Variants in MYO3B observed in about 807,000 individuals in gnomAD.
MYO3B encodes the protein myosin-IIIb.
Under a neutral mutation model 174.6 loss-of-function variants are expected in MYO3B, and 156 were observed. The ratio of observed to expected loss-of-function variants is 0.89; its 90% CI spans 0.78 to 1.02. MYO3B has a LOEUF of 1.02. MYO3B is among the 50% of genes least tolerant of loss of function. The pLI is 0.00. For missense variants in MYO3B, 1,632 were observed against 1,639.4 expected (o/e 1.00, Z 0.08); for synonymous variants, 563 against 569.1 (o/e 0.99, Z 0.15).
At chr2:170,431,767 G>A (rs1175107692) in intron 22 of MYO3B, among the ~76,000 whole-genome samples, 3 of 152,176 alleles carry the variant, frequency 2.0e-5, no homozygotes, top group African/African-American at 4.8e-5. Flanking sequence ...CAATAAAACC[G>A]ATGGGAGGAT....
intron 30 of MYO3B, among the ~76,000 whole-genome samples, chr2:170,523,210 A>G (rs1278894831): frequency 1.3e-5 from 2 of 152,200 alleles, no homozygotes; most frequent in African/African-American, 4.8e-5. Context: ...CACAATAGCT[A>G]CTCAATAAGT....
chr2:170,485,771 C>T (rs766122891), intron 25 of MYO3B, among the ~76,000 whole-genome samples: 7 of 152,086 alleles, frequency 4.6e-5, no homozygotes, highest in Admixed American at 3.3e-4. Flanking sequence ...CCAGAGACTC[C>T]GTAAGTCATT....
At chr2:170,366,147 A>G (rs1037189020) in intron 8 of MYO3B, among the ~76,000 whole-genome samples, 2 of 152,158 alleles carry the variant, frequency 1.3e-5, no homozygotes, top group South Asian at 2.1e-4. Flanking sequence ...ATAAAACCCT[A>G]TATCTCATTT....
intron 19 of MYO3B, 36 bp downstream of exon 19, chr2:170,403,031 G>C: frequency 6.5e-7 from 1 of 1,535,540 alleles, no homozygotes; most frequent in Non-Finnish European, 8.9e-7. Flanking sequence ...AACTTGATGG[G>C]GAAAAGGTGT....
intron 6 of MYO3B, among the ~76,000 whole-genome samples, chr2:170,234,157 T>C (rs4028665): frequency 0.61 from 70,049 of 114,724 alleles, 21,148 homozygotes; most frequent in African/African-American, 0.68. Context: ...GGCGACAGAG[T>C]GAGACTCCGT....
intron 1 of MYO3B, among the ~76,000 whole-genome samples, chr2:170,188,700 A>G (rs2092501406): frequency 6.6e-6 from 1 of 152,160 alleles, no homozygotes; most frequent in South Asian, 2.1e-4. Context: ...TTAATAAACT[A>G]ATGATAACTG....
chr2:170,416,707 T>C (rs2094581517), intron 22 of MYO3B, among the ~76,000 whole-genome samples: 1 of 151,466 alleles, frequency 6.6e-6, no homozygotes, highest in South Asian at 2.1e-4. Context: ...TTGAAGTCTT[T>C]CATTTACTCT....
Position 170,236,031 on chromosome 2 carries a change from C to T in MYO3B, c.644C>T (p.Ala215Val), listed in dbSNP as rs1242470851. Residue 215 changes from alanine to valine, a missense_variant, in exon 7 of 35, where the codon GCT (alanine) becomes GTT (valine). Ala to Val is a moderately conservative substitution (Grantham distance 64). Transcript: ENST00000408978. ...CAGCAGTATGACTCTTCCTATGACG[C>T]TCGCTGTGACGTCTGGTCCTTGGGG... is the stretch of plus-strand genomic sequence containing the variant. ...CEQQYDSSYD[A>V]RCDVWSLGIT... is the part of the protein sequence containing the mutation. The T allele has an allele frequency of 7.4e-6, 12 of 1,614,056 alleles. No individual in the cohort carries two copies. The highest frequency in any genetic ancestry group is 1.0e-5 in the Non-Finnish European group (12 of 1,180,020).
intron 22 of MYO3B, among the ~76,000 whole-genome samples, chr2:170,442,595 T>G (rs980438952): frequency 3.3e-5 from 5 of 151,954 alleles, no homozygotes; most frequent in Non-Finnish European, 5.9e-5. Flanking sequence ...GTTGGTGTGC[T>G]GCACCCATTA....
At chr2:170,403,162 G>A (rs1002322518) in intron 19 of MYO3B, among the ~76,000 whole-genome samples, 167 bp downstream of exon 19, 1 of 152,142 alleles carries the variant, frequency 6.6e-6, no homozygotes, top group Non-Finnish European at 1.5e-5. Flanking sequence ...AAAAGGTCTC[G>A]ATTTCTGTGG....
intron 7 of MYO3B, among the ~76,000 whole-genome samples, chr2:170,326,570 C>A (rs1438901944): frequency 6.6e-6 from 1 of 152,152 alleles, no homozygotes; most frequent in Admixed American, 6.5e-5. Flanking sequence ...AGCCACACAC[C>A]CACTTGTCCC....
intron 32 of MYO3B, among the ~76,000 whole-genome samples, chr2:170,626,979 C>T (rs1023530139): frequency 7.9e-5 from 12 of 152,104 alleles, no homozygotes; most frequent in African/African-American, 2.7e-4. Context: ...CTGCCCTTAA[C>T]ATTTTTTCCT....
intron 3 of MYO3B, among the ~76,000 whole-genome samples, chr2:170,209,743 C>T (rs1464353355): frequency 6.6e-6 from 1 of 152,138 alleles, no homozygotes; most frequent in Non-Finnish European, 1.5e-5. Flanking sequence ...GTCTGGTTTA[C>T]AATAACATAA....
intron 3 of MYO3B, 133 bp downstream of exon 3, chr2:170,200,417 C>A (rs991850770): frequency 8.9e-6 from 8 of 894,772 alleles, no homozygotes; most frequent in Non-Finnish European, 9.7e-6. Flanking sequence ...AGGTACCTCA[C>A]CAGATGTGAC....
chr2:170,386,081 C>G, intron 12 of MYO3B, 108 bp from the exon 13 acceptor site: 1 of 801,272 alleles, frequency 1.2e-6, no homozygotes, highest in Non-Finnish European at 2.0e-6. Flanking sequence ...TGCCTAAGAT[C>G]TATCTCTCAG....
intron 25 of MYO3B, among the ~76,000 whole-genome samples, chr2:170,485,835 C>A (rs987319379): frequency 6.6e-6 from 1 of 152,170 alleles, no homozygotes; most frequent in Non-Finnish European, 1.5e-5. Flanking sequence ...AGTTTCTTTG[C>A]TTATATAAAC....
At chr2:170,634,491 T>C (rs909652800) in intron 32 of MYO3B, among the ~76,000 whole-genome samples, 6 of 152,196 alleles carry the variant, frequency 3.9e-5, no homozygotes, top group Non-Finnish European at 7.3e-5. Flanking sequence ...AAGACTTACA[T>C]GTTAGACCTA....
intron 32 of MYO3B, among the ~76,000 whole-genome samples, chr2:170,615,524 A>C (rs745617294): frequency 5.9e-5 from 9 of 152,170 alleles, no homozygotes; most frequent in Non-Finnish European, 1.3e-4. Flanking sequence ...GACAGAGGGA[A>C]GTGAGTGAGG....
intron 32 of MYO3B, among the ~76,000 whole-genome samples, chr2:170,551,382 T>TTATTTATTTATCTATC (rs1198701361): frequency 5.0e-5 from 7 of 138,772 alleles, no homozygotes; most frequent in Admixed American, 2.9e-4. Flanking sequence ...ATTTATTTAT[T>TTATTTATTTATCTATC]TATTTTTAGG....
Sources: allele counts gnomAD v4.1 joint callset (sites outside exome capture counted in the v4.1 genomes callset), GRCh38; gene constraint gnomAD v4.1.1; transcripts MANE v1.5; gene names NCBI Gene and HGNC (gene_info 2026-07-23, HGNC 2026-07-21).